CEP135: variants seen among roughly 807,000 people sequenced by gnomAD.
CEP135 encodes the protein centrosomal protein of 135 kDa.
In CEP135, 142 loss-of-function variants were observed where a neutral mutation model predicts 157.3. The observed-to-expected ratio is 0.90, with a 90% CI of 0.79 to 1.04. CEP135 has a LOEUF of 1.04. CEP135 is among the 50% of genes least tolerant of loss of function. CEP135 has a pLI of 0.00. For missense variants in CEP135, 1,317 were observed against 1,309.2 expected, an observed-to-expected ratio of 1.01 and a Z score of -0.09; for synonymous variants, 396 against 439.8, an observed-to-expected ratio of 0.90 and a Z score of 1.25.
chr4:55,985,396 T>C, intron 14 of CEP135, 38 bp downstream of exon 14: 5 of 915,740 alleles, frequency 5.5e-6, no homozygotes, highest in Non-Finnish European at 8.5e-6. Flanking sequence ...TCTTGTGTTA[T>C]ATGAATAACT....
chr4:55,966,130 A>G (rs1184520303), intron 8 of CEP135: 2 of 342,746 alleles, frequency 5.8e-6, no homozygotes, highest in Non-Finnish European at 1.1e-5. Flanking sequence ...CACGATTTTT[A>G]TCTCTGCCCC....
intron 13 of CEP135, among the ~76,000 whole-genome samples, chr4:55,982,426 A>G (rs537900271): frequency 6.6e-6 from 1 of 152,122 alleles, no homozygotes; most frequent in South Asian, 2.1e-4. Context: ...CCACACTCTC[A>G]CCATTACTTG....
chr4:56,021,768 C>G (rs1001249269), intron 24 of CEP135, among the ~76,000 whole-genome samples: 1 of 152,142 alleles, frequency 6.6e-6, no homozygotes, highest in Non-Finnish European at 1.5e-5. Context: ...CTCATGCCTG[C>G]AATCCCAGCA....
chr4:56,002,905 T>C (rs955635417), intron 17 of CEP135, among the ~76,000 whole-genome samples: 9 of 152,164 alleles, frequency 5.9e-5, no homozygotes, highest in Non-Finnish European at 1.3e-4. Context: ...TCTTATTACA[T>C]GCTATTGGTT....
At chr4:55,958,254 G>A (rs1440596065) in intron 5 of CEP135, among the ~76,000 whole-genome samples, 6 of 152,280 alleles carry the variant, frequency 3.9e-5, no homozygotes, top group African/African-American at 1.2e-4. Flanking sequence ...GGTCAATATA[G>A]TGAGACCTTT....
chr4:56,004,333 G>T (rs1355341022), intron 17 of CEP135, among the ~76,000 whole-genome samples: 1 of 152,184 alleles, frequency 6.6e-6, no homozygotes, highest in Non-Finnish European at 1.5e-5. Flanking sequence ...ATGAACTATG[G>T]TCTATTCTGT....
intron 17 of CEP135, among the ~76,000 whole-genome samples, chr4:56,004,519 C>T (rs1443558406): frequency 2.6e-5 from 4 of 152,184 alleles, no homozygotes; most frequent in Non-Finnish European, 5.9e-5. Flanking sequence ...AGTCCCCTAC[C>T]ATTATCGTAT....
chr4:56,006,153 AT>A (rs1730340224), intron 17 of CEP135, among the ~76,000 whole-genome samples: 1 of 151,984 alleles, frequency 6.6e-6, no homozygotes, highest in African/African-American at 2.4e-5. Context: ...TTCTGTTATT[AT>A]TTCTTTGAGT....
intron 9 of CEP135, among the ~76,000 whole-genome samples, chr4:55,970,861 T>C (rs988497333): frequency 7.9e-5 from 12 of 152,318 alleles, no homozygotes; most frequent in Admixed American, 2.0e-4. Context: ...GGTCTTATTA[T>C]CCTTGTTGTG....
chr4:55,975,856 C>T (rs1240497623), intron 11 of CEP135, among the ~76,000 whole-genome samples: 1 of 152,146 alleles, frequency 6.6e-6, no homozygotes, highest in African/African-American at 2.4e-5. Context: ...TGTCCATTGT[C>T]AAACAGTTTT....
intron 14 of CEP135, 142 bp from the exon 15 acceptor site, chr4:55,991,792 C>G: frequency 1.9e-6 from 1 of 522,788 alleles, no homozygotes; most frequent in Non-Finnish European, 3.2e-6. Flanking sequence ...AGAACCTAAA[C>G]TGTACACATG....
chr4:55,966,192 T>G, intron 8 of CEP135: 1 of 199,014 alleles, frequency 5.0e-6, no homozygotes, highest in Middle Eastern at 2.1e-3. Flanking sequence ...TATGTCATTT[T>G]TGCTCAAGAA....
chr4:56,007,447 C>T (rs1310658356), intron 17 of CEP135, among the ~76,000 whole-genome samples: 1 of 152,164 alleles, frequency 6.6e-6, no homozygotes, highest in Non-Finnish European at 1.5e-5. Context: ...TGGAATGTAC[C>T]TCCTACAGCA....
intron 17 of CEP135, among the ~76,000 whole-genome samples, chr4:56,001,408 T>C (rs1388714820): frequency 6.6e-6 from 1 of 152,192 alleles, no homozygotes; most frequent in Non-Finnish European, 1.5e-5. Flanking sequence ...TTTGAGTCTT[T>C]AATCCACTTT....
At chr4:55,984,029 A>G (rs570740464) in intron 13 of CEP135, among the ~76,000 whole-genome samples, 95 of 152,240 alleles carry the variant, frequency 6.2e-4, no homozygotes, top group Non-Finnish European at 1.3e-3. Context: ...GCATTATTGT[A>G]TTATTGGCCC....
intron 11 of CEP135, among the ~76,000 whole-genome samples, chr4:55,975,569 G>A (rs1729176786): frequency 1.3e-5 from 2 of 152,170 alleles, no homozygotes; most frequent in South Asian, 4.1e-4. Context: ...ATTATTTAAA[G>A]TTGACCATGA....
intron 25 of CEP135, 92 bp downstream of exon 25, chr4:56,024,706 T>G: frequency 2.4e-6 from 2 of 838,248 alleles, no homozygotes; most frequent in Non-Finnish European, 2.0e-6. Flanking sequence ...GGAGATTGCC[T>G]GGTAAGGCGT....
chr4:56,011,147 A>G (rs1345083963), intron 19 of CEP135, among the ~76,000 whole-genome samples: 1 of 151,968 alleles, frequency 6.6e-6, no homozygotes, highest in Non-Finnish European at 1.5e-5. Context: ...AAGTGGAAGG[A>G]TTGCTTGAGC....
At chr4:55,997,199 G>A (rs751399007) in intron 15 of CEP135, among the ~76,000 whole-genome samples, 6 of 152,104 alleles carry the variant, frequency 3.9e-5, no homozygotes, top group African/African-American at 1.2e-4. Context: ...CAACTGTTTC[G>A]TTGAGAGGAC....
Sources: gnomAD v4.1 joint callset for allele counts (sites outside exome capture counted in the v4.1 genomes callset) on GRCh38, gnomAD v4.1.1 for gene constraint, MANE v1.5 for transcripts, NCBI Gene and HGNC (gene_info 2026-07-23, HGNC 2026-07-21) for gene names.